The following COL21A1 variants were observed in gnomAD, a reference collection of about 807,000 sequenced individuals.
COL21A1 encodes the protein collagen alpha-1(XXI) chain.
COL21A1 carries 149 observed loss-of-function variants against 137.9 expected under a neutral mutation model. The ratio of observed to expected loss-of-function variants is 1.08; its 90% CI spans 0.95 to 1.24. The LOEUF is 1.24. COL21A1 is among the 50% of genes most tolerant of loss of function. The pLI is 0.00. For synonymous variants in COL21A1, 456 were observed against 391.5 expected, an observed-to-expected ratio of 1.16 and a Z score of -1.95; for missense variants, 1,167 against 1,158.4, an observed-to-expected ratio of 1.01 and a Z score of -0.11.
chr6:56,058,459 C>CA (rs1765518625), intron 29 of COL21A1, among the ~76,000 whole-genome samples: 1 of 152,098 alleles, frequency 6.6e-6, no homozygotes, highest in South Asian at 2.1e-4. Flanking sequence ...TTCAAAATAA[C>CA]AAAAAATATT....
chr6:56,239,595 GA>G (rs1383418920), intron 1 of COL21A1, among the ~76,000 whole-genome samples: 7 of 151,672 alleles, frequency 4.6e-5, no homozygotes, highest in African/African-American at 7.3e-5. Flanking sequence ...AAAGACCAGT[GA>G]AAAAAATTTT....
chr6:56,068,457 C>G (rs1766452513), intron 22 of COL21A1, among the ~76,000 whole-genome samples: 1 of 151,026 alleles, frequency 6.6e-6, no homozygotes, highest in South Asian at 2.1e-4. Flanking sequence ...ACATACAAGT[C>G]AAGTTTCCCT....
At chr6:56,155,219 A>G (rs896849735) in intron 10 of COL21A1, among the ~76,000 whole-genome samples, 2 of 152,112 alleles carry the variant, frequency 1.3e-5, no homozygotes, top group African/African-American at 4.8e-5. Flanking sequence ...CCCTTTTTGG[A>G]TAATCTTTCT....
intron 1 of COL21A1, among the ~76,000 whole-genome samples, chr6:56,391,779 A>C (rs973271922): frequency 6.6e-6 from 1 of 152,170 alleles, no homozygotes; most frequent in African/African-American, 2.4e-5. Context: ...ATACAATTTT[A>C]TACATACAAC....
chr6:56,384,426 T>C (rs1317543985), intron 1 of COL21A1, among the ~76,000 whole-genome samples: 1 of 152,228 alleles, frequency 6.6e-6, no homozygotes, highest in African/African-American at 2.4e-5. Flanking sequence ...CTAATTGTCC[T>C]TAAAATGTTT....
chr6:56,088,961 T>C (rs1010218824), intron 17 of COL21A1, among the ~76,000 whole-genome samples: 1 of 152,090 alleles, frequency 6.6e-6, no homozygotes, highest in African/African-American at 2.4e-5. Flanking sequence ...ATTTTTTGTA[T>C]GTTTTGTAGA....
chr6:56,289,985 C>T (rs186094897), intron 1 of COL21A1, among the ~76,000 whole-genome samples: 19 of 152,142 alleles, frequency 1.2e-4, no homozygotes, highest in Admixed American at 1.2e-3. Flanking sequence ...TCCAGCCCAC[C>T]GCCACTGAAT....
chr6:56,067,299 A>G lies in COL21A1; in HGVS notation c.2123T>C (p.Ile708Thr), dbSNP rs775441771. The G allele has an allele frequency of 3.7e-6, 6 of 1,608,738 alleles. No homozygotes were observed. Among genetic ancestry groups the G allele is most frequent in the East Asian group, 4.5e-5 (2 of 44,680 alleles). ...AAAAAAAAGCAAACAACATACCTGA[A>G]TACCTTTTTCACCTTGATTTCCTTT... The part of the protein sequence containing the change: ...GDKGNQGEKG[I>T]QGQKGENGRQ... The change falls in exon 23 of 30, where the codon ATT becomes ACT. Residue 708 changes from isoleucine (I) to threonine (T), a missense_variant. Ile to Thr is a moderately conservative substitution (Grantham distance 89). Coordinates refer to ENST00000244728, the MANE Select transcript of COL21A1 (RefSeq NM_030820.4).
intron 1 of COL21A1, among the ~76,000 whole-genome samples, chr6:56,322,900 A>AAAAAAAC (rs1764905902): frequency 6.7e-6 from 1 of 150,244 alleles, no homozygotes; most frequent in Non-Finnish European, 1.5e-5. Flanking sequence ...AAAAAAAAAA[A>AAAAAAAC]AGTCAAGTCA....
intron 1 of COL21A1, among the ~76,000 whole-genome samples, chr6:56,368,876 T>G (rs991671246): frequency 6.6e-6 from 1 of 152,194 alleles, no homozygotes; most frequent in East Asian, 1.9e-4. Flanking sequence ...GGTATACCAT[T>G]CATTTTATTT....
intron 1 of COL21A1, among the ~76,000 whole-genome samples, chr6:56,252,848 A>G (rs1018325169): frequency 6.6e-6 from 1 of 152,208 alleles, no homozygotes; most frequent in Non-Finnish European, 1.5e-5. Context: ...CAGCCACTGC[A>G]TGGAGAGAAA....
At chr6:56,310,901 T>TCTATTTGA (rs1764598120) in intron 1 of COL21A1, among the ~76,000 whole-genome samples, 1 of 152,138 alleles carries the variant, frequency 6.6e-6, no homozygotes, top group African/African-American at 2.4e-5. Context: ...CTACCAGAAA[T>TCTATTTGA]CTATTTGACT....
chr6:56,182,644 G>C lies in COL21A1; in HGVS notation c.-26C>G, dbSNP rs893667507. 1 of 1,524,518 alleles carries C rather than the reference G, an allele frequency of 6.6e-7. No individual in the cohort carries two copies. The highest frequency in any genetic ancestry group is 1.2e-5 in the South Asian group (1 of 84,482). The allele number at this position is 1,524,518 out of a possible 1,614,324, so 94.4% of individuals were successfully genotyped here. A position where few individuals can be genotyped will look rare whatever the true frequency, so the allele number is the denominator to read the frequency against. Reference sequence around the variant, plus strand: ...GTTTCTGTTTTCGTTCTAATATTTTGGTTTTAGGATTCCTAGGGGGAAAAA... The same window carrying C: ...GTTTCTGTTTTCGTTCTAATATTTTCGTTTTAGGATTCCTAGGGGGAAAAA... On this transcript the variant is annotated 5_prime_UTR_variant, in exon 2 of 30. Transcript: ENST00000244728.
chr6:56,286,461 G>C (rs1432053740), intron 1 of COL21A1, among the ~76,000 whole-genome samples: 1 of 152,078 alleles, frequency 6.6e-6, no homozygotes, highest in Non-Finnish European at 1.5e-5. Context: ...ATGCACACAT[G>C]TATACATGCA....
chr6:56,332,134 T>C (rs915903509), intron 1 of COL21A1: 1 of 152,092 alleles, frequency 6.6e-6, no homozygotes, highest in Non-Finnish European at 1.5e-5. Context: ...TAGAATTAAT[T>C]AATTCTATTA....
intron 10 of COL21A1, among the ~76,000 whole-genome samples, chr6:56,151,211 G>A (rs1775299840): frequency 6.6e-6 from 1 of 152,184 alleles, no homozygotes; most frequent in Admixed American, 6.5e-5. Flanking sequence ...GGACGACAGA[G>A]CAAGACTCTG....
chr6:56,118,348 C>T (rs143579612), intron 16 of COL21A1, among the ~76,000 whole-genome samples: 163 of 151,940 alleles, frequency 1.1e-3, no homozygotes, highest in Admixed American at 2.1e-3. Context: ...TGGACAAACT[C>T]CTAGATACAT....
chr6:56,076,128 G>T (rs574273443), intron 18 of COL21A1, among the ~76,000 whole-genome samples: 108 of 151,570 alleles, frequency 7.1e-4, no homozygotes, highest in Non-Finnish European at 1.4e-3. Flanking sequence ...AACTGTAGAA[G>T]CCAAGAAAAG....
intron 1 of COL21A1, among the ~76,000 whole-genome samples, chr6:56,215,732 AT>A (rs1221128886): frequency 2.0e-5 from 3 of 152,224 alleles, no homozygotes; most frequent in East Asian, 3.9e-4. Flanking sequence ...TAAGAACTAA[AT>A]AAATAATATT....
Sources: allele counts gnomAD v4.1 joint callset (sites outside exome capture counted in the v4.1 genomes callset), GRCh38; gene constraint gnomAD v4.1.1; transcripts MANE v1.5; gene names NCBI Gene and HGNC (gene_info 2026-07-23, HGNC 2026-07-21).